DCTN6: variants seen among roughly 807,000 people sequenced by gnomAD.
DCTN6 encodes the protein dynactin subunit 6.
A neutral mutation model predicts 25.8 loss-of-function variants in DCTN6; 15 were observed. The ratio of observed to expected loss-of-function variants is 0.58; its 90% CI spans 0.39 to 0.89. The LOEUF (loss-of-function observed/expected upper bound fraction) is 0.89, where lower values mean the gene tolerates loss of function less well. Among genes scored for constraint, DCTN6 ranks in the 40% least tolerant of loss-of-function variants. DCTN6 has a pLI of 0.00. For synonymous variants in DCTN6, 64 were observed against 78.3 expected (o/e 0.82, Z 0.96); for missense variants, 198 against 237.6 (o/e 0.83, Z 1.09).
At chr8:30,156,657 T>A (rs1803529294) in intron 1 of DCTN6, among the ~76,000 whole-genome samples, 1 of 151,622 alleles carries the variant, frequency 6.6e-6, no homozygotes. Flanking sequence ...CACATGCGCC[T>A]GCGCAGAGGG....
At chr8:30,173,387 C>T (rs1453391535) in intron 2 of DCTN6, among the ~76,000 whole-genome samples, 1 of 152,044 alleles carries the variant, frequency 6.6e-6, no homozygotes, top group Non-Finnish European at 1.5e-5. Context: ...TTTTGTTGCC[C>T]CATAACATAT....
chr8:30,175,021 C>T (rs894951640), intron 2 of DCTN6, 64 bp from the exon 3 acceptor site: 19 of 1,511,978 alleles, frequency 1.3e-5, no homozygotes, highest in Non-Finnish European at 1.6e-5. Flanking sequence ...CCTCAGTCAC[C>T]TTCCACCCTT....
chr8:30,166,032 C>T (rs1480982085), intron 2 of DCTN6: 3 of 152,132 alleles, frequency 2.0e-5, no homozygotes, highest in South Asian at 2.1e-4. Context: ...ACAATCTCTA[C>T]TGCAGACTGG....
At chr8:30,162,992 A>AT (rs5890501) in intron 1 of DCTN6, among the ~76,000 whole-genome samples, 21 of 150,328 alleles carry the variant, frequency 1.4e-4, no homozygotes, top group African/African-American at 5.2e-4. Context: ...ATCATTCCAT[A>AT]TTTTTTTTTT....
Position 30,183,200 on chromosome 8 carries a change from T to C in DCTN6, c.*27T>C. 1 of 1,563,974 alleles carries C rather than the reference T, an allele frequency of 6.4e-7. No homozygotes were observed. Among genetic ancestry groups the C allele is most frequent in the Non-Finnish European group, 8.7e-7 (1 of 1,149,088 alleles). On this transcript the variant is annotated 3_prime_UTR_variant, in exon 7 of 7. Coordinates refer to ENST00000221114, the MANE Select transcript of DCTN6 (RefSeq NM_006571.4). Reference sequence around the variant, plus strand: ...AACAGTGTATAACATGAAGATAACATTTTGTCTTTGACCACTGTCTTTTGA... The same window carrying C: ...AACAGTGTATAACATGAAGATAACACTTTGTCTTTGACCACTGTCTTTTGA...
At chr8:30,170,266 G>T (rs116365326) in intron 2 of DCTN6, among the ~76,000 whole-genome samples, 10,752 of 151,958 alleles carry the variant, frequency 0.071, 477 homozygotes, top group East Asian at 0.24. Context: ...GCCCAAAAAA[G>T]ACCCGCAAGA....
chr8:30,174,511 T>G (rs1347998511), intron 2 of DCTN6, among the ~76,000 whole-genome samples: 2 of 152,024 alleles, frequency 1.3e-5, no homozygotes, highest in African/African-American at 2.4e-5. Context: ...ATTTTAGTAT[T>G]TTTTGGTACA....
At chr8:30,176,981 A>G in intron 3 of DCTN6, 145 bp from the exon 4 acceptor site, 1 of 600,388 alleles carries the variant, frequency 1.7e-6, no homozygotes, top group Non-Finnish European at 2.9e-6. Context: ...TCAAAAAAGA[A>G]AGAAAAAAAG....
chr8:30,175,010 T>C, intron 2 of DCTN6, 75 bp from the exon 3 acceptor site: 1 of 1,414,072 alleles, frequency 7.1e-7, no homozygotes, highest in Middle Eastern at 1.8e-4. Flanking sequence ...GCCTCACCCA[T>C]CCTCAGTCAC....
chr8:30,157,726 C>A (rs573946474), intron 1 of DCTN6, among the ~76,000 whole-genome samples: 37 of 152,204 alleles, frequency 2.4e-4, no homozygotes, highest in African/African-American at 8.9e-4. Context: ...TGGGATGAGA[C>A]AAGTGCATAA....
chr8:30,157,175 A>G (rs960068008), intron 1 of DCTN6, among the ~76,000 whole-genome samples: 1 of 152,176 alleles, frequency 6.6e-6, no homozygotes, highest in Non-Finnish European at 1.5e-5. Flanking sequence ...CTCCCACTTA[A>G]AAGTGAGAAC....
Position 30,183,183 on chromosome 8 carries a change from A to G in DCTN6, c.*10A>G, listed in dbSNP as rs371971868. 6 of 1,608,300 alleles carry G rather than the reference A, an allele frequency of 3.7e-6. No individual in the cohort carries two copies. The African/African-American group carries it at 6.7e-5, about 18-fold the overall frequency. On this transcript the variant is annotated 3_prime_UTR_variant, in exon 7 of 7. Transcript: ENST00000221114. The stretch of plus-strand genomic sequence containing the variant: ...TCCAGTAAAGAACTAAGAACAGTGT[A>G]TAACATGAAGATAACATTTTGTCTT...
At chr8:30,174,089 G>A (rs558656681) in intron 2 of DCTN6, among the ~76,000 whole-genome samples, 25 of 152,284 alleles carry the variant, frequency 1.6e-4, no homozygotes, top group African/African-American at 5.8e-4. Flanking sequence ...CCTTCAATTC[G>A]AGACTAGAGG....
chr8:30,174,644 G>A (rs757219392), intron 2 of DCTN6, among the ~76,000 whole-genome samples: 3 of 152,110 alleles, frequency 2.0e-5, no homozygotes, highest in African/African-American at 7.2e-5. Flanking sequence ...AGGTACACTC[G>A]CATAAGAAAG....
intron 1 of DCTN6, among the ~76,000 whole-genome samples, chr8:30,157,090 C>T (rs1459895937): frequency 2.0e-5 from 3 of 152,294 alleles, no homozygotes; most frequent in Admixed American, 6.5e-5. Context: ...CCCTCAAACC[C>T]CTCCTACCCT....
At chr8:30,158,188 G>T (rs956422208) in intron 1 of DCTN6, among the ~76,000 whole-genome samples, 2 of 152,196 alleles carry the variant, frequency 1.3e-5, no homozygotes, top group Non-Finnish European at 2.9e-5. Context: ...GGGGGCATTT[G>T]TGAGTCTCTC....
chr8:30,157,616 G>A (rs770743611), intron 1 of DCTN6, among the ~76,000 whole-genome samples: 7 of 152,132 alleles, frequency 4.6e-5, no homozygotes, highest in Non-Finnish European at 8.8e-5. Context: ...TTTGCCAGGC[G>A]TGGAGTGGAC....
chr8:30,173,764 A>G (rs1422561267), intron 2 of DCTN6, among the ~76,000 whole-genome samples: 1 of 149,522 alleles, frequency 6.7e-6, no homozygotes, highest in African/African-American at 2.5e-5. Context: ...ACCAGTTTAC[A>G]CAATTGAATA....
At chr8:30,172,893 A>T (rs1466311412) in intron 2 of DCTN6, among the ~76,000 whole-genome samples, 1 of 152,186 alleles carries the variant, frequency 6.6e-6, no homozygotes, top group Non-Finnish European at 1.5e-5. Context: ...AATATGTGTT[A>T]TATATGCATA....
Sources: gnomAD v4.1 joint callset for allele counts (sites outside exome capture counted in the v4.1 genomes callset) on GRCh38, gnomAD v4.1.1 for gene constraint, MANE v1.5 for transcripts, NCBI Gene and HGNC (gene_info 2026-07-23, HGNC 2026-07-21) for gene names.